Variants in ZFHX3 observed in about 807,000 individuals in gnomAD.
ZFHX3 encodes zinc finger homeobox 3, also known as zinc finger homeobox protein 3.
Under a neutral mutation model 279.1 loss-of-function variants are expected in ZFHX3, and 42 were observed. That is an observed-to-expected ratio of 0.15 (90% CI 0.12 to 0.19). The LOEUF (loss-of-function observed/expected upper bound fraction) is 0.19. Ranked by LOEUF, ZFHX3 falls within the 10% of genes least tolerant of loss-of-function variation. ZFHX3 has a pLI of 1.00. For missense variants in ZFHX3, 4,981 were observed against 4,754.0 expected, an observed-to-expected ratio of 1.05 and a Z score of -1.40; for synonymous variants, 2,293 against 1,957.8, an observed-to-expected ratio of 1.17 and a Z score of -4.52.
At chr16:73,293,293 C>G (rs939031378) in intron 4 of ZFHX3, among the ~76,000 whole-genome samples, 56 of 152,224 alleles carry the variant, frequency 3.7e-4, no homozygotes, top group African/African-American at 1.1e-3. Flanking sequence ...ACTCTGAACC[C>G]CGCTAGACCA....
At chr16:73,195,757 C>CA (rs374985325) in intron 5 of ZFHX3, among the ~76,000 whole-genome samples, 5 of 150,792 alleles carry the variant, frequency 3.3e-5, no homozygotes, top group South Asian at 2.1e-4. Flanking sequence ...GGCTAGAAAG[C>CA]AAAAAAAATA....
intron 4 of ZFHX3, among the ~76,000 whole-genome samples, chr16:73,304,325 G>A (rs2143142031): frequency 6.6e-6 from 1 of 152,288 alleles, no homozygotes; most frequent in Admixed American, 6.5e-5. Context: ...GGTGACTTTG[G>A]AACAATAGTG....
chr16:73,532,403 C>T (rs373256014), intron 2 of ZFHX3, among the ~76,000 whole-genome samples: 1 of 152,140 alleles, frequency 6.6e-6, no homozygotes, highest in African/African-American at 2.4e-5. Flanking sequence ...TGAGGCCTCC[C>T]CAGCTATGTG....
At chr16:73,483,583 A>C in intron 2 of ZFHX3, 1 of 332,582 alleles carries the variant, frequency 3.0e-6, no homozygotes. Context: ...GGCCTACCAG[A>C]CCCTGGAAGA....
At chr16:73,883,209 A>G (rs1389528561) in intron 1 of ZFHX3, among the ~76,000 whole-genome samples, 2 of 152,144 alleles carry the variant, frequency 1.3e-5, no homozygotes, top group Non-Finnish European at 2.9e-5. Flanking sequence ...TATGTCATTC[A>G]AAATATGCAG....
At chr16:73,376,800 T>C (rs2016730141) in intron 3 of ZFHX3, among the ~76,000 whole-genome samples, 1 of 152,184 alleles carries the variant, frequency 6.6e-6, no homozygotes, top group Non-Finnish European at 1.5e-5. Context: ...GAGTAACTGA[T>C]TTCTCTGTCT....
chr16:73,845,192 G>A (rs763692291), intron 1 of ZFHX3, among the ~76,000 whole-genome samples: 32 of 152,212 alleles, frequency 2.1e-4, no homozygotes, highest in South Asian at 6.2e-4. Flanking sequence ...TAGGAAGTGC[G>A]TTCGTGGAGG....
intron 1 of ZFHX3, among the ~76,000 whole-genome samples, chr16:73,846,650 G>A (rs148612532): frequency 5.9e-5 from 9 of 152,234 alleles, no homozygotes; most frequent in Admixed American, 2.0e-4. Flanking sequence ...CAAATGTCTC[G>A]GCGCCCCCTT....
chr16:73,316,465 A>G (rs2015451013), intron 4 of ZFHX3, among the ~76,000 whole-genome samples: 1 of 152,048 alleles, frequency 6.6e-6, no homozygotes. Flanking sequence ...TCAACTCACA[A>G]TGGACTGTTC....
chr16:72,904,945 C>T lies in ZFHX3; in HGVS notation c.3217-14983G>A, dbSNP rs143779977. ...CTCCTGGGTTCAAGTGACTCTCCTGCCTCAGCCTCCTAAGTAGCTAAGATT... is the reference window on the plus strand; with the variant it reads ...CTCCTGGGTTCAAGTGACTCTCCTGTCTCAGCCTCCTAAGTAGCTAAGATT... On this transcript the variant is annotated intron_variant, in intron 3 of 9. Transcript: ENST00000268489. Among the ~76,000 whole-genome samples, 1,339 of 152,280 alleles carry T rather than the reference C, an allele frequency of 8.8e-3. 25 individuals are homozygous for T. Among genetic ancestry groups the T allele is most frequent in the African/African-American group, 0.03 (1,234 of 41,552 alleles).
intron 3 of ZFHX3, among the ~76,000 whole-genome samples, chr16:72,919,367 C>T (rs1014532449): frequency 4.6e-5 from 7 of 151,938 alleles, no homozygotes; most frequent in Non-Finnish European, 7.4e-5. Flanking sequence ...CACCATGCTA[C>T]GCAGGCTGTT....
chr16:73,242,340 G>GA (rs1246309923), intron 5 of ZFHX3, among the ~76,000 whole-genome samples: 1 of 152,042 alleles, frequency 6.6e-6, no homozygotes, highest in African/African-American at 2.4e-5. Flanking sequence ...CTACAACTAT[G>GA]AACTGTCTGC....
At chr16:73,440,409 A>G (rs543876898) in intron 3 of ZFHX3, among the ~76,000 whole-genome samples, 2 of 152,336 alleles carry the variant, frequency 1.3e-5, no homozygotes, top group East Asian at 3.9e-4. Flanking sequence ...CAGAAAACGA[A>G]CACAAGACAG....
At chr16:72,852,600 T>C (rs561796741) in intron 4 of ZFHX3, among the ~76,000 whole-genome samples, 2 of 152,382 alleles carry the variant, frequency 1.3e-5, no homozygotes, top group Admixed American at 1.3e-4. Context: ...TTAAGTTGTA[T>C]ATTTTCTTTT....
intron 1 of ZFHX3, among the ~76,000 whole-genome samples, chr16:72,971,878 A>ATTTTTTTTTTTTTTTTTTTT (rs34508228): frequency 1.0e-5 from 1 of 95,466 alleles, no homozygotes; most frequent in Non-Finnish European, 2.0e-5. Flanking sequence ...CTGCCTATTA[A>ATTTTTTTTTTTTTTTTTTTT]TTTTTTTTTT....
intron 3 of ZFHX3, among the ~76,000 whole-genome samples, chr16:73,447,377 G>C (rs1165751097): frequency 6.6e-6 from 1 of 152,024 alleles, no homozygotes. Flanking sequence ...CCACAACGCT[G>C]CTTTTAACCA....
At chr16:72,816,907 A>G (rs1008459887) in intron 5 of ZFHX3, among the ~76,000 whole-genome samples, 2 of 152,230 alleles carry the variant, frequency 1.3e-5, no homozygotes, top group African/African-American at 4.8e-5. Context: ...ATTTTATCAT[A>G]TTTGTTTTAG....
chr16:73,299,898 C>T (rs140711652), intron 4 of ZFHX3, among the ~76,000 whole-genome samples: 197 of 152,320 alleles, frequency 1.3e-3, no homozygotes, highest in African/African-American at 4.4e-3. Flanking sequence ...TGATCTCTCT[C>T]TTTCTTCTGT....
chr16:72,886,304 T>C (rs539228679), intron 4 of ZFHX3, among the ~76,000 whole-genome samples: 340 of 151,818 alleles, frequency 2.2e-3, no homozygotes, highest in South Asian at 0.011. Flanking sequence ...AGCAAAAACA[T>C]GACTCCAGGT....
Sources: gnomAD v4.1 joint callset for allele counts (sites outside exome capture counted in the v4.1 genomes callset) on GRCh38, gnomAD v4.1.1 for gene constraint, MANE v1.5 for transcripts, NCBI Gene and HGNC (gene_info 2026-07-23, HGNC 2026-07-21) for gene names.